TANC2: variants seen among roughly 807,000 people sequenced by gnomAD.
TANC2 encodes tetratricopeptide repeat, ankyrin repeat and coiled-coil containing 2, also known as protein TANC2.
In TANC2, 26 loss-of-function variants were observed where a neutral mutation model predicts 210.5. That is an observed-to-expected ratio of 0.12 (90% CI 0.09 to 0.17). The LOEUF is 0.17. Among genes scored for constraint, TANC2 ranks in the 10% least tolerant of loss-of-function variants. The pLI, the probability that TANC2 is intolerant of heterozygous loss-of-function variation, is 1.00. For missense variants in TANC2, 2,129 were observed against 2,608.9 expected (o/e 0.82, Z 4.01); for synonymous variants, 931 against 967.1 (o/e 0.96, Z 0.69).
intron 2 of TANC2, among the ~76,000 whole-genome samples, chr17:63,069,269 T>C (rs1345896545): frequency 6.6e-6 from 1 of 152,248 alleles, no homozygotes; most frequent in Non-Finnish European, 1.5e-5. Context: ...TGTTGAAATC[T>C]GAGGCCTGAT....
intron 3 of TANC2, among the ~76,000 whole-genome samples, chr17:63,098,475 CACACAT>C (rs1212333787): frequency 1.3e-3 from 46 of 34,570 alleles, no homozygotes; most frequent in African/African-American, 4.0e-3. Context: ...CACACACACA[CACACAT>C]ACACTCTCTC....
intron 21 of TANC2, among the ~76,000 whole-genome samples, chr17:63,409,756 GT>G (rs1414777984): frequency 2.0e-5 from 3 of 152,162 alleles, no homozygotes; most frequent in Non-Finnish European, 4.4e-5. Flanking sequence ...TAACACAGTG[GT>G]ATTTGTGTAG....
chr17:63,108,921 G>T (rs1292728072), intron 4 of TANC2, among the ~76,000 whole-genome samples: 1 of 150,264 alleles, frequency 6.7e-6, no homozygotes, highest in Non-Finnish European at 1.5e-5. Flanking sequence ...AATCAAAATA[G>T]AATCTAACAA....
chr17:63,085,366 C>A (rs1327876569), intron 3 of TANC2, among the ~76,000 whole-genome samples: 1 of 152,084 alleles, frequency 6.6e-6, no homozygotes, highest in African/African-American at 2.4e-5. Context: ...TTACTATTTT[C>A]TGTTTGTTGC....
chr17:63,062,741 T>G (rs1412768415), intron 2 of TANC2, among the ~76,000 whole-genome samples: 1 of 152,130 alleles, frequency 6.6e-6, no homozygotes, highest in Non-Finnish European at 1.5e-5. Flanking sequence ...CCATTTATAT[T>G]TTAGGGTTTG....
chr17:63,424,565 T>A (rs2049101250), exon 28 of TANC2: 1 of 152,226 alleles, frequency 6.6e-6, no homozygotes, highest in Non-Finnish European at 1.5e-5. Context: ...CAGATGAAAC[T>A]TACTCAATTC....
intron 4 of TANC2, among the ~76,000 whole-genome samples, chr17:63,116,749 T>C (rs1334788334): frequency 6.6e-6 from 1 of 152,216 alleles, no homozygotes; most frequent in Non-Finnish European, 1.5e-5. Context: ...TTTTAATATC[T>C]CTAAGTATTT....
At chr17:63,226,677 A>G (rs559158073) in intron 7 of TANC2, among the ~76,000 whole-genome samples, 39 of 152,192 alleles carry the variant, frequency 2.6e-4, no homozygotes, top group African/African-American at 8.4e-4. Flanking sequence ...TGTGGTAGCA[A>G]TTTGCTCCAC....
intron 5 of TANC2, among the ~76,000 whole-genome samples, chr17:63,191,812 A>G (rs1227433463): frequency 6.6e-6 from 1 of 152,206 alleles, no homozygotes; most frequent in Non-Finnish European, 1.5e-5. Flanking sequence ...ATTTTAAAAT[A>G]GGAAATGAAA....
At position 63,110,432 on chromosome 17, in the gene TANC2, G is replaced by GA. The variant is rs367912943; in HGVS notation, c.322+11081dup. ...TCTTAATTTGTTTAGGTTGCTATAA[G>GA]AAAAAACCTCTGGGACTGGGTAATT... On this transcript the variant is annotated intron_variant, in intron 4 of 27. Coordinates refer to ENST00000689528, the Ensembl canonical transcript of TANC2. Among the ~76,000 whole-genome samples, 18 of 151,742 alleles carry GA rather than the reference G, an allele frequency of 1.2e-4. 1 individual carries two copies. The highest frequency in any genetic ancestry group is 3.9e-4 in the African/African-American group (16 of 41,078).
intron 1 of TANC2, among the ~76,000 whole-genome samples, chr17:62,989,762 A>T (rs1598199568): frequency 6.7e-6 from 1 of 148,524 alleles, no homozygotes; most frequent in Non-Finnish European, 1.5e-5. Flanking sequence ...AATAAAAAAC[A>T]CATGCTTTTT....
chr17:63,103,202 G>T (rs2037695888), intron 4 of TANC2, among the ~76,000 whole-genome samples: 1 of 152,100 alleles, frequency 6.6e-6, no homozygotes, highest in Admixed American at 6.5e-5. Flanking sequence ...TATGACAAAG[G>T]AGTATCCTTT....
At position 63,415,753 on chromosome 17, in the gene TANC2, C is replaced by G. The variant is rs145797705; in HGVS notation, c.4167+79C>G. The G allele has an allele frequency of 9.6e-4, 1,462 of 1,525,632 alleles. 19 individuals carry two copies. In the African/African-American group the frequency reaches 0.018, roughly 19 times the overall value. 94.5% of individuals were successfully genotyped at this position (1,525,632 alleles called of 1,614,324 possible). ...TGTCACTCACTAGCTTTTACCAGGC[C>G]CCTGAAATCCTCCTCTGCCCCATTT... On this transcript the variant is annotated intron_variant, in intron 26 of 27. Coordinates refer to ENST00000689528, the Ensembl canonical transcript of TANC2.
At chr17:63,368,636 G>C (rs1006346766) in intron 14 of TANC2, among the ~76,000 whole-genome samples, 1 of 152,212 alleles carries the variant, frequency 6.6e-6, no homozygotes, top group Non-Finnish European at 1.5e-5. Context: ...ATGCTCACCA[G>C]CACCTTGTAC....
At chr17:62,971,117 C>A (rs529224038) in intron 1 of TANC2, among the ~76,000 whole-genome samples, 1 of 151,920 alleles carries the variant, frequency 6.6e-6, no homozygotes, top group East Asian at 1.9e-4. Context: ...CGCTTGGTTT[C>A]TTTGAATAGC....
chr17:63,425,438 C>G (rs977645152), exon 28 of TANC2: 1 of 152,122 alleles, frequency 6.6e-6, no homozygotes, highest in African/African-American at 2.4e-5. Flanking sequence ...TTTTTATATT[C>G]CAGAGATGTA....
intron 2 of TANC2, among the ~76,000 whole-genome samples, chr17:63,056,362 A>C (rs1194063337): frequency 6.6e-6 from 1 of 151,950 alleles, no homozygotes; most frequent in Non-Finnish European, 1.5e-5. Flanking sequence ...ATTTTACTGT[A>C]ATGTATTTCT....
chr17:63,418,257 AT>A lies in TANC2; in HGVS notation c.4168-44del. 6.5e-7 allele frequency: 1 copy of A among 1,538,268 alleles called. No homozygotes were observed. ...AATTTGTTTTATTCCCAAGTTGTCTATTTTTTATATCTCATCAATGACTCAT... is the reference window on the plus strand; with the variant it reads ...AATTTGTTTTATTCCCAAGTTGTCTATTTTTATATCTCATCAATGACTCAT... On this transcript the variant is annotated intron_variant, in intron 26 of 27. Transcript: ENST00000689528. This position sits in a 1 kb window ranked among gnomAD's most constrained non-coding sequence, Gnocchi z 4.6.
intron 6 of TANC2, among the ~76,000 whole-genome samples, chr17:63,200,373 A>AG (rs971598276): frequency 2.0e-5 from 3 of 149,744 alleles, no homozygotes; most frequent in African/African-American, 4.9e-5. Flanking sequence ...AAAAAAAAAA[A>AG]AAAGAAAGAA....
Sources: allele counts gnomAD v4.1 joint callset (sites outside exome capture counted in the v4.1 genomes callset), GRCh38; gene constraint gnomAD v4.1.1; non-coding constraint Gnocchi (gnomAD v3.1); transcripts MANE v1.5; gene names NCBI Gene and HGNC (gene_info 2026-07-23, HGNC 2026-07-21).